Variants in ASIC2 observed in about 807,000 individuals in gnomAD.
ASIC2 encodes the protein acid sensing ion channel subunit 2, also known as acid-sensing ion channel 2.
A neutral mutation model predicts 57.3 loss-of-function variants in ASIC2; 25 were observed. The observed-to-expected ratio is 0.44, with a 90% CI of 0.32 to 0.61. ASIC2 has a LOEUF of 0.61. ASIC2 is among the 20% of genes least tolerant of loss of function. The probability of loss-of-function intolerance (pLI) is 0.06; values close to 1 mark genes in which losing one functional copy is unlikely to be tolerated. For missense variants in ASIC2, 641 were observed against 738.1 expected, an observed-to-expected ratio of 0.87 and a Z score of 1.52; for synonymous variants, 319 against 307.5, an observed-to-expected ratio of 1.04 and a Z score of -0.39.
chr17:33,299,769 G>A (rs1905875157), intron 1 of ASIC2, among the ~76,000 whole-genome samples: 1 of 152,212 alleles, frequency 6.6e-6, no homozygotes, highest in South Asian at 2.1e-4. Flanking sequence ...AGAGTAAAAG[G>A]AGCTAGGAAG....
At chr17:33,953,376 T>C (rs778099699) in intron 1 of ASIC2, among the ~76,000 whole-genome samples, 12 of 152,182 alleles carry the variant, frequency 7.9e-5, no homozygotes, top group East Asian at 1.9e-4. Flanking sequence ...TAGATTTTCA[T>C]TGAGTGTGTA....
intron 1 of ASIC2, among the ~76,000 whole-genome samples, chr17:33,573,422 T>G (rs76179295): frequency 0.022 from 3,394 of 152,180 alleles, 57 homozygotes; most frequent in Non-Finnish European, 0.032. Context: ...TAGATCCAAC[T>G]CCCCATCTAC....
chr17:33,959,799 C>T (rs973494095), intron 1 of ASIC2, among the ~76,000 whole-genome samples: 3 of 152,236 alleles, frequency 2.0e-5, no homozygotes, highest in African/African-American at 4.8e-5. Context: ...CCTTTGGCAA[C>T]ACCTTGACAC....
intron 3 of ASIC2, among the ~76,000 whole-genome samples, chr17:33,076,870 A>C (rs1026016356): frequency 2.0e-5 from 3 of 152,202 alleles, no homozygotes; most frequent in Admixed American, 6.5e-5. Flanking sequence ...CTGCTCATAC[A>C]AACAGTGCTG....
chr17:34,084,317 C>T (rs561531725), intron 1 of ASIC2, among the ~76,000 whole-genome samples: 4 of 152,292 alleles, frequency 2.6e-5, no homozygotes, highest in Middle Eastern at 3.4e-3. Context: ...TTCCCCATTG[C>T]TTGTTTCTGT....
chr17:33,312,388 G>T (rs1297201515), intron 1 of ASIC2, among the ~76,000 whole-genome samples: 1 of 152,158 alleles, frequency 6.6e-6, no homozygotes, highest in Non-Finnish European at 1.5e-5. Flanking sequence ...AAGTTAGGAA[G>T]TGACCTTTCT....
At chr17:33,167,563 A>G (rs1021763932) in intron 1 of ASIC2, among the ~76,000 whole-genome samples, 4 of 152,088 alleles carry the variant, frequency 2.6e-5, no homozygotes, top group Admixed American at 1.3e-4. Flanking sequence ...GATGCTAAAT[A>G]TATTTTTCCA....
intron 1 of ASIC2, chr17:33,827,847 G>A (rs1211122096): frequency 1.3e-5 from 2 of 151,960 alleles, no homozygotes; most frequent in Non-Finnish European, 2.9e-5. Flanking sequence ...TGTACATTAG[G>A]TATTTGTCCT....
chr17:33,210,693 G>C (rs1215566234), intron 1 of ASIC2, among the ~76,000 whole-genome samples: 5 of 152,228 alleles, frequency 3.3e-5, no homozygotes, highest in African/African-American at 1.2e-4. Context: ...AACGAGGAGG[G>C]AGGCTTGGCC....
chr17:33,692,672 G>A (rs994165013), intron 1 of ASIC2, among the ~76,000 whole-genome samples: 1 of 152,200 alleles, frequency 6.6e-6, no homozygotes, highest in African/African-American at 2.4e-5. Context: ...GCCACTGAGT[G>A]AGTGGTGAGT....
chr17:33,625,244 A>G (rs1905948904), intron 1 of ASIC2, among the ~76,000 whole-genome samples: 1 of 151,920 alleles, frequency 6.6e-6, no homozygotes, highest in Non-Finnish European at 1.5e-5. Context: ...TCTATCATGT[A>G]TCTTTATCTC....
chr17:33,903,098 C>T (rs1915265974), intron 1 of ASIC2, among the ~76,000 whole-genome samples: 1 of 152,166 alleles, frequency 6.6e-6, no homozygotes, highest in African/African-American at 2.4e-5. Flanking sequence ...AACCTTTCTC[C>T]TCAGCACCAT....
intron 1 of ASIC2, among the ~76,000 whole-genome samples, chr17:33,372,882 CCAGGAGG>C (rs1247246824): frequency 1.3e-5 from 2 of 152,158 alleles, no homozygotes; most frequent in African/African-American, 4.8e-5. Context: ...TTGGCCAGGC[CCAGGAGG>C]CAGGAGGGGA....
intron 1 of ASIC2, among the ~76,000 whole-genome samples, chr17:33,669,533 TG>T (rs1907581421): frequency 6.6e-6 from 1 of 152,338 alleles, no homozygotes; most frequent in South Asian, 2.1e-4. Context: ...GCATGTTTAC[TG>T]TTCATCACAA....
chr17:33,642,604 C>T (rs1255398022), intron 1 of ASIC2, among the ~76,000 whole-genome samples: 1 of 152,196 alleles, frequency 6.6e-6, no homozygotes, highest in Non-Finnish European at 1.5e-5. Flanking sequence ...CACTGTCCGT[C>T]CATCAACCTT....
chr17:33,973,909 C>G (rs1035572021), intron 1 of ASIC2, among the ~76,000 whole-genome samples: 11 of 152,116 alleles, frequency 7.2e-5, no homozygotes, highest in Non-Finnish European at 1.3e-4. Context: ...CCCCTTACCC[C>G]AGGAGAGCTC....
intron 1 of ASIC2, among the ~76,000 whole-genome samples, chr17:34,119,538 T>C (rs1241070318): frequency 4.6e-5 from 7 of 152,074 alleles, no homozygotes; most frequent in African/African-American, 1.4e-4. Context: ...CATCTCCTCA[T>C]GCCTGAATGT....
chr17:33,291,028 G>A (rs1442174798), intron 1 of ASIC2: 2 of 198,400 alleles, frequency 1.0e-5, no homozygotes, highest in Admixed American at 6.3e-5. Flanking sequence ...CCGCACTTAA[G>A]AGATCTACAC....
intron 1 of ASIC2, among the ~76,000 whole-genome samples, chr17:33,435,399 T>A (rs1018867606): frequency 1.3e-5 from 2 of 152,110 alleles, no homozygotes; most frequent in Non-Finnish European, 2.9e-5. Context: ...AGGTACCAAC[T>A]GAAAAAGCAT....
Sources: allele counts gnomAD v4.1 joint callset (sites outside exome capture counted in the v4.1 genomes callset), GRCh38; gene constraint gnomAD v4.1.1; transcripts MANE v1.5; gene names NCBI Gene and HGNC (gene_info 2026-07-23, HGNC 2026-07-21).